GAS2: variants seen among roughly 807,000 people sequenced by gnomAD.
The protein encoded by GAS2 is growth arrest-specific protein 2.
Under a neutral mutation model 37.5 loss-of-function variants are expected in GAS2, and 20 were observed. The ratio of observed to expected loss-of-function variants is 0.53; its 90% CI spans 0.37 to 0.77. GAS2 has a LOEUF of 0.77. Ranked by LOEUF, GAS2 falls within the 30% of genes least tolerant of loss-of-function variation. The probability of loss-of-function intolerance (pLI) is 0.00; values close to 1 mark genes in which losing one functional copy is unlikely to be tolerated. For missense variants in GAS2, 336 were observed against 373.4 expected, an observed-to-expected ratio of 0.90 and a Z score of 0.82; for synonymous variants, 144 against 132.2, an observed-to-expected ratio of 1.09 and a Z score of -0.61.
intron 3 of GAS2, among the ~76,000 whole-genome samples, chr11:22,701,976 C>A (rs2134029016): frequency 6.6e-6 from 1 of 152,202 alleles, no homozygotes; most frequent in Middle Eastern, 3.4e-3. Context: ...TGTTTTCACA[C>A]TTTTAAGATT....
At chr11:22,652,993 G>GTCTTTCTTTCTTTCTTTGTCTTTCTT (rs1848806368) in intron 1 of GAS2, among the ~76,000 whole-genome samples, 1 of 97,036 alleles carries the variant, frequency 1.0e-5, no homozygotes, top group African/African-American at 4.9e-5. Flanking sequence ...TTCTTTCTTT[G>GTCTTTCTTTCTTTCTTTGTCTTTCTT]TCTTTCTTTC....
chr11:22,790,872 G>A (rs756859218), intron 7 of GAS2, among the ~76,000 whole-genome samples: 2 of 152,012 alleles, frequency 1.3e-5, no homozygotes, highest in African/African-American at 4.8e-5. Flanking sequence ...TAAGAAATTT[G>A]AAATGTAGCA....
intron 7 of GAS2, among the ~76,000 whole-genome samples, chr11:22,809,233 CAAG>C (rs948553635): frequency 1.3e-5 from 2 of 152,056 alleles, no homozygotes; most frequent in African/African-American, 4.8e-5. Context: ...GTGCTGCAAC[CAAG>C]AAGAACAAAT....
intron 2 of GAS2, among the ~76,000 whole-genome samples, chr11:22,682,888 G>GAAAAAAAAAA: frequency 9.8e-6 from 1 of 102,390 alleles, no homozygotes; most frequent in African/African-American, 3.3e-5. Context: ...AAAAAAAAAG[G>GAAAAAAAAAA]AAAAAAAAAA....
chr11:22,652,993 G>GTCTTTCTTTCTTTGTCTGTCTT (rs1554965875), intron 1 of GAS2, among the ~76,000 whole-genome samples: 6 of 97,114 alleles, frequency 6.2e-5, no homozygotes, highest in African/African-American at 1.5e-4. Context: ...TTCTTTCTTT[G>GTCTTTCTTTCTTTGTCTGTCTT]TCTTTCTTTC....
intron 4 of GAS2, among the ~76,000 whole-genome samples, chr11:22,734,913 A>G (rs1419159002): frequency 6.6e-6 from 1 of 151,874 alleles, no homozygotes; most frequent in Admixed American, 6.6e-5. Context: ...TTAGTATAAT[A>G]TAGATACTAC....
At chr11:22,737,663 T>A in intron 4 of GAS2, 42 bp from the exon 5 acceptor site, 1 of 1,593,242 alleles carries the variant, frequency 6.3e-7, no homozygotes, top group Non-Finnish European at 8.6e-7. Context: ...AGCTGCTTAT[T>A]CCTTCTATTG....
intron 1 of GAS2, among the ~76,000 whole-genome samples, chr11:22,656,714 G>A (rs924291399): frequency 1.3e-5 from 2 of 152,116 alleles, no homozygotes; most frequent in Non-Finnish European, 2.9e-5. Context: ...AATAGTCAAA[G>A]GCAGGTCATA....
At chr11:22,790,147 A>ATCAGAATC (rs199678641) in intron 7 of GAS2, among the ~76,000 whole-genome samples, 3,795 of 152,198 alleles carry the variant, frequency 0.025, 152 homozygotes, top group African/African-American at 0.087. Flanking sequence ...TCCCGGAAAA[A>ATCAGAATC]AGAGAGCAAA....
chr11:22,797,555 A>G (rs191626419), intron 7 of GAS2, among the ~76,000 whole-genome samples: 1 of 152,146 alleles, frequency 6.6e-6, no homozygotes, highest in East Asian at 1.9e-4. Context: ...ACTGGAGACA[A>G]TGTCTCACAA....
At chr11:22,658,519 C>T (rs1848881013) in intron 1 of GAS2, among the ~76,000 whole-genome samples, 1 of 152,190 alleles carries the variant, frequency 6.6e-6, no homozygotes, top group Non-Finnish European at 1.5e-5. Context: ...ATCTTTCCCA[C>T]TTCATTAAAT....
At chr11:22,776,670 A>G (rs1383800523) in intron 7 of GAS2, among the ~76,000 whole-genome samples, 1 of 152,228 alleles carries the variant, frequency 6.6e-6, no homozygotes. Context: ...GGTAGGAACC[A>G]TATAGAACAT....
chr11:22,750,564 G>T (rs1159696734), intron 6 of GAS2, among the ~76,000 whole-genome samples: 12 of 151,928 alleles, frequency 7.9e-5, no homozygotes, highest in Admixed American at 7.9e-4. Context: ...CTACTGAAAA[G>T]GATTTTAAAA....
intron 1 of GAS2, among the ~76,000 whole-genome samples, chr11:22,645,429 C>T (rs906543844): frequency 6.6e-6 from 1 of 152,054 alleles, no homozygotes; most frequent in African/African-American, 2.4e-5. Context: ...ATCGCTTGAA[C>T]CCGGGAGGCA....
chr11:22,643,701 GA>G (rs35748356), intron 1 of GAS2, among the ~76,000 whole-genome samples: 18 of 145,916 alleles, frequency 1.2e-4, no homozygotes, highest in East Asian at 7.9e-4. Flanking sequence ...AAACCACAAA[GA>G]AAAAAAAAAT....
intron 4 of GAS2, among the ~76,000 whole-genome samples, chr11:22,730,439 A>G (rs537895030): frequency 3.3e-5 from 5 of 151,900 alleles, no homozygotes; most frequent in African/African-American, 1.2e-4. Flanking sequence ...ACAGAATTCT[A>G]TGTTGTATCA....
upstream of GAS2, among the ~76,000 whole-genome samples, chr11:22,662,429 C>G (rs926647223): frequency 1.3e-5 from 2 of 152,156 alleles, no homozygotes; most frequent in African/African-American, 4.8e-5. Context: ...ACACCAGCTT[C>G]TAAAATAATC....
chr11:22,663,701 G>T (rs1476204265), upstream of GAS2, among the ~76,000 whole-genome samples: 1 of 151,960 alleles, frequency 6.6e-6, no homozygotes, highest in Non-Finnish European at 1.5e-5. Flanking sequence ...AAATTTCTTT[G>T]ATTTATCCTT....
intron 7 of GAS2, among the ~76,000 whole-genome samples, chr11:22,765,015 T>C (rs1854611886): frequency 6.6e-6 from 1 of 152,202 alleles, no homozygotes; most frequent in African/African-American, 2.4e-5. Context: ...GCTTTTTCAT[T>C]GGCCACAAAT....
Sources: allele counts gnomAD v4.1 joint callset (sites outside exome capture counted in the v4.1 genomes callset), GRCh38; gene constraint gnomAD v4.1.1; transcripts MANE v1.5; gene names NCBI Gene and HGNC (gene_info 2026-07-23, HGNC 2026-07-21).